The following CHMP3 variants were observed in gnomAD, a reference collection of about 807,000 sequenced individuals.
The protein encoded by CHMP3 is charged multivesicular body protein 3.
A neutral mutation model predicts 27.4 loss-of-function variants in CHMP3; 8 were observed. The ratio of observed to expected loss-of-function variants is 0.29; its 90% CI spans 0.17 to 0.53. CHMP3 has a LOEUF of 0.53. CHMP3 is among the 20% of genes least tolerant of loss of function. The pLI is 0.96. For synonymous variants in CHMP3, 86 were observed against 85.5 expected (o/e 1.01, Z -0.03); for missense variants, 208 against 271.5 (o/e 0.77, Z 1.64).
At chr2:86,529,697 A>T (rs142213758) in intron 2 of CHMP3, among the ~76,000 whole-genome samples, 4 of 152,208 alleles carry the variant, frequency 2.6e-5, no homozygotes, top group African/African-American at 4.8e-5. Flanking sequence ...CCAATAATCA[A>T]TAAGTAGTAT....
chr2:86,538,567 T>G (rs897446600), intron 2 of CHMP3, among the ~76,000 whole-genome samples: 4 of 152,216 alleles, frequency 2.6e-5, no homozygotes, highest in Admixed American at 2.0e-4. Context: ...GGTGGTTATC[T>G]CTAAGTGGTC....
At chr2:86,509,648 G>C (rs1175437426) in intron 4 of CHMP3, among the ~76,000 whole-genome samples, 2 of 152,182 alleles carry the variant, frequency 1.3e-5, no homozygotes, top group Non-Finnish European at 2.9e-5. Flanking sequence ...CAACTCACGT[G>C]ATAAGGTCAG....
chr2:86,528,539 C>A (rs1053112833), intron 3 of CHMP3, among the ~76,000 whole-genome samples: 1 of 152,158 alleles, frequency 6.6e-6, no homozygotes, highest in Non-Finnish European at 1.5e-5. Flanking sequence ...ATCTAAATAT[C>A]TGACAGTCAC....
Position 86,542,289 on chromosome 2 carries a change from T to C in CHMP3, c.69A>G (p.Ile23Met), listed in dbSNP as rs540948421. The change falls in exon 2 of 6, where the codon ATA becomes ATG. Residue 23 changes from isoleucine (I) to methionine (M), a missense_variant. Physicochemically the swap from Ile to Met is conservative, Grantham distance 10. This residue lies in a region of CHMP3 where 52 missense variants were observed against 43.5 expected (regional missense o/e 1.19). Coordinates refer to ENST00000263856, the MANE Select transcript of CHMP3 (RefSeq NM_016079.4). ...TGTCAACAACTCTCATTTCCTTTCT[T>C]ATCTTCAATGACCACTCATTGACCT... is the stretch of plus-strand genomic sequence containing the variant. ...KELVNEWSLKIRKEMRVVDRQ... is the reference protein window; with the variant it reads ...KELVNEWSLKMRKEMRVVDRQ... 2.7e-5 allele frequency: 43 copies of C among 1,613,492 alleles called. 1 individual carries two copies. In the Admixed American group the frequency reaches 7.0e-4, roughly 26 times the overall value.
At chr2:86,510,275 C>CAAA in intron 4 of CHMP3, 83 bp downstream of exon 4, 1 of 1,052,488 alleles carries the variant, frequency 9.5e-7, no homozygotes, top group Non-Finnish European at 1.4e-6. Context: ...TTCATCCCCA[C>CAAA]CCACCCTCAT....
In CHMP3 at chr2:86,549,754, CCAGG is replaced by C. The variant is rs1255930362; in HGVS notation, c.46-7446_46-7443del. 2.0e-5 allele frequency among the ~76,000 whole-genome samples: 3 copies of C among 146,838 alleles called. No individual in the cohort carries two copies. The East Asian group carries it at 6.4e-4, about 31-fold the overall frequency. ...GGCACCCACTTCGCAGACGGGGCGG[CCAGG>C]CAGAGGCGCTCCTCGCCTCCCAGAC... On this transcript the variant is annotated intron_variant, in intron 1 of 5. Transcript: ENST00000263856.
At chr2:86,537,842 C>T (rs925901366) in intron 2 of CHMP3, among the ~76,000 whole-genome samples, 5 of 152,032 alleles carry the variant, frequency 3.3e-5, no homozygotes, top group African/African-American at 1.2e-4. Context: ...GGCACAGCTG[C>T]CATGGAAAAC....
chr2:86,516,146 C>CAAAAAAAA (rs35800757), intron 3 of CHMP3, among the ~76,000 whole-genome samples: 2 of 83,670 alleles, frequency 2.4e-5, no homozygotes, highest in East Asian at 2.6e-4. Flanking sequence ...GACTCCATCT[C>CAAAAAAAA]AAAAAAAAAA....
At chr2:86,561,412 T>A (rs1360514645) in intron 1 of CHMP3, among the ~76,000 whole-genome samples, 3 of 152,150 alleles carry the variant, frequency 2.0e-5, no homozygotes, top group Non-Finnish European at 4.4e-5. Context: ...CACTCTACAA[T>A]CTTGCTACTC....
At chr2:86,555,939 G>A (rs1488150155) in intron 1 of CHMP3, among the ~76,000 whole-genome samples, 1 of 152,074 alleles carries the variant, frequency 6.6e-6, no homozygotes, top group African/African-American at 2.4e-5. Context: ...TTTGGGGGTG[G>A]GGAGCTTTTT....
At chr2:86,508,213 T>C (rs1674960912) in intron 4 of CHMP3, among the ~76,000 whole-genome samples, 1 of 152,106 alleles carries the variant, frequency 6.6e-6, no homozygotes, top group South Asian at 2.1e-4. Flanking sequence ...CCAGACACTT[T>C]TCTGGAAGTC....
At chr2:86,526,359 T>C (rs1024792389) in intron 3 of CHMP3, among the ~76,000 whole-genome samples, 2 of 151,844 alleles carry the variant, frequency 1.3e-5, no homozygotes, top group African/African-American at 4.8e-5. Flanking sequence ...TTCTCAAAAA[T>C]AAAAAAGTCT....
intron 1 of CHMP3, among the ~76,000 whole-genome samples, chr2:86,544,212 TC>T (rs1676466555): frequency 6.6e-6 from 1 of 152,252 alleles, no homozygotes; most frequent in African/African-American, 2.4e-5. Flanking sequence ...TTAATGGAAA[TC>T]TGGGTTGTTT....
At position 86,527,740 on chromosome 2, in the gene CHMP3, C is replaced by T. The variant is rs139372359; in HGVS notation, c.286+1478G>A. 3.4e-4 allele frequency among the ~76,000 whole-genome samples: 51 copies of T among 152,216 alleles called. No homozygotes were observed. The East Asian group carries it at 9.5e-3, about 28-fold the overall frequency. On this transcript the variant is annotated intron_variant, in intron 3 of 5. Coordinates refer to ENST00000263856, the MANE Select transcript of CHMP3 (RefSeq NM_016079.4). ...CTTTGCAGAGCCGAGGAAGGTAGAT[C>T]ACCTGAGGTCAGGAGTTTGAGACCA...
At chr2:86,549,899 C>T (rs1256549009) in intron 1 of CHMP3, among the ~76,000 whole-genome samples, 3 of 150,788 alleles carry the variant, frequency 2.0e-5, no homozygotes, top group South Asian at 2.1e-4. Flanking sequence ...CCAGACGGGG[C>T]GGCCGGGCAG....
chr2:86,510,903 T>C (rs1017869547), intron 3 of CHMP3: 27 of 161,398 alleles, frequency 1.7e-4, no homozygotes, highest in Non-Finnish European at 3.3e-4. Context: ...ATCTGTTCAG[T>C]ATGGAGCCAG....
At chr2:86,526,117 G>C (rs1675699752) in intron 3 of CHMP3, among the ~76,000 whole-genome samples, 1 of 152,218 alleles carries the variant, frequency 6.6e-6, no homozygotes, top group Admixed American at 6.5e-5. Flanking sequence ...ATATTGTTAT[G>C]GGTGTACATT....
chr2:86,514,091 G>C (rs1294995508), intron 3 of CHMP3, among the ~76,000 whole-genome samples: 1 of 152,238 alleles, frequency 6.6e-6, no homozygotes, highest in African/African-American at 2.4e-5. Context: ...CCAGATGAGT[G>C]AGAGTTGGTT....
chr2:86,545,051 G>A (rs13123995), intron 1 of CHMP3, among the ~76,000 whole-genome samples: 3 of 26,692 alleles, frequency 1.1e-4, no homozygotes, highest in Non-Finnish European at 1.6e-4. Context: ...GGGCAGAGGC[G>A]CTCCTCACCT....
Sources: gnomAD v4.1 joint callset for allele counts (sites outside exome capture counted in the v4.1 genomes callset) on GRCh38, gnomAD v4.1.1 for gene constraint, gnomAD v4.1.1 regional missense constraint, MANE v1.5 for transcripts, NCBI Gene and HGNC (gene_info 2026-07-23, HGNC 2026-07-21) for gene names.